RGS6: variants seen among roughly 807,000 people sequenced by gnomAD.
The protein encoded by RGS6 is regulator of G-protein signaling 6.
In RGS6, 30 loss-of-function variants were observed where a neutral mutation model predicts 78.5. The ratio of observed to expected loss-of-function variants is 0.38; its 90% CI spans 0.29 to 0.52. RGS6 has a LOEUF of 0.52. RGS6 is among the 20% of genes least tolerant of loss of function. RGS6 has a pLI of 0.85. For missense variants in RGS6, 495 were observed against 609.7 expected (o/e 0.81, Z 1.98); for synonymous variants, 206 against 206.0 (o/e 1.00, Z 0.00).
chr14:72,204,798 G>T (rs1567463192), intron 2 of RGS6, among the ~76,000 whole-genome samples: 1 of 152,166 alleles, frequency 6.6e-6, no homozygotes, highest in Non-Finnish European at 1.5e-5. Flanking sequence ...TTCAACATAT[G>T]AATTTCGGAG....
At chr14:72,273,741 C>T (rs977927661) in intron 2 of RGS6, among the ~76,000 whole-genome samples, 27 of 152,150 alleles carry the variant, frequency 1.8e-4, no homozygotes, top group Admixed American at 2.6e-4. Context: ...TTTGTAGTTG[C>T]TCAAGAAAGA....
In RGS6 at chr14:72,253,494, A is replaced by G. The variant is rs564293953; in HGVS notation, c.85-98601A>G. 9.7e-4 allele frequency among the ~76,000 whole-genome samples: 148 copies of G among 152,370 alleles called. 2 individuals are homozygous for G. Among genetic ancestry groups the G allele is most frequent in the Middle Eastern group, 6.8e-3 (2 of 294 alleles). On this transcript the variant is annotated intron_variant, in intron 2 of 17. Transcript: ENST00000553525. ...ATTTACAGTCTGTCATAGCTACTCA[A>G]TTCTATGGCAAAAGCAGCTATTGAC...
chr14:72,349,878 A>G (rs2078790567), intron 2 of RGS6, among the ~76,000 whole-genome samples: 1 of 152,180 alleles, frequency 6.6e-6, no homozygotes, highest in South Asian at 2.1e-4. Flanking sequence ...CCAATTCTCA[A>G]TGATTTTCTG....
At chr14:72,090,824 C>A (rs887381302) in intron 2 of RGS6, among the ~76,000 whole-genome samples, 1 of 152,100 alleles carries the variant, frequency 6.6e-6, no homozygotes, top group Non-Finnish European at 1.5e-5. Context: ...TCAGTGGTGT[C>A]CTTGAAGTCA....
chr14:72,624,333 C>CTTTTTTTTT, the RGS6 span, among the ~76,000 whole-genome samples: 22 of 97,800 alleles, frequency 2.2e-4, no homozygotes, highest in East Asian at 3.3e-4. Flanking sequence ...ACCTATGTCT[C>CTTTTTTTTT]TTTTTTTTTT....
chr14:72,102,981 G>A (rs1354727205), intron 2 of RGS6, among the ~76,000 whole-genome samples: 2 of 152,172 alleles, frequency 1.3e-5, no homozygotes, highest in Non-Finnish European at 2.9e-5. Context: ...TTGTCTTAAG[G>A]CCCCAAAGAG....
the RGS6 span, among the ~76,000 whole-genome samples, chr14:71,895,293 C>T: frequency 3.3e-5 from 5 of 152,054 alleles, no homozygotes; most frequent in Non-Finnish European, 7.3e-5. Context: ...AAGTGATTCT[C>T]CTGCCTCAGC....
Position 72,160,376 on chromosome 14 carries a change from T to C in RGS6, c.85-191719T>C, listed in dbSNP as rs866392174. Among the ~76,000 whole-genome samples, 5 of 152,214 alleles carry C rather than the reference T, an allele frequency of 3.3e-5. No individual in the cohort carries two copies. In the South Asian group the frequency reaches 1.0e-3, roughly 32 times the overall value. ...GTCATCAAATGTCATAGGAGAGGACTACTATTTGATTCACACGTGATCTTT... is the reference window on the plus strand; with the variant it reads ...GTCATCAAATGTCATAGGAGAGGACCACTATTTGATTCACACGTGATCTTT... On this transcript the variant is annotated intron_variant, in intron 2 of 17. Transcript: ENST00000553525.
chr14:72,209,573 C>G (rs553278461), intron 2 of RGS6, among the ~76,000 whole-genome samples: 1 of 152,240 alleles, frequency 6.6e-6, no homozygotes, highest in South Asian at 2.1e-4. Context: ...AGGACAATTT[C>G]AAGGTCACTG....
intron 1 of RGS6, among the ~76,000 whole-genome samples, chr14:71,938,659 A>T (rs900967222): frequency 6.6e-6 from 1 of 152,126 alleles, no homozygotes; most frequent in African/African-American, 2.4e-5. Context: ...TGCCTTCAGG[A>T]CTTGCCTGAG....
chr14:72,037,563 C>T (rs1267920084), intron 2 of RGS6, among the ~76,000 whole-genome samples: 1 of 152,190 alleles, frequency 6.6e-6, no homozygotes, highest in Non-Finnish European at 1.5e-5. Context: ...CAACTCCAGA[C>T]ACAGTATGAG....
At chr14:72,083,202 A>G (rs1385851189) in intron 2 of RGS6, among the ~76,000 whole-genome samples, 1 of 152,202 alleles carries the variant, frequency 6.6e-6, no homozygotes, top group Non-Finnish European at 1.5e-5. Flanking sequence ...AAAGAATAGA[A>G]TTCACGGGAA....
At chr14:72,583,261 T>A in the RGS6 span, among the ~76,000 whole-genome samples, 7 of 152,218 alleles carry the variant, frequency 4.6e-5, no homozygotes, top group Non-Finnish European at 7.3e-5. Context: ...TCAGAAAACC[T>A]GTCATGGGAC....
intron 2 of RGS6, among the ~76,000 whole-genome samples, chr14:72,280,317 G>T (rs1230687368): frequency 1.3e-5 from 2 of 152,140 alleles, no homozygotes; most frequent in African/African-American, 4.8e-5. Flanking sequence ...AACAAGGCTT[G>T]TTTTAGAATT....
chr14:72,277,747 G>C (rs1446008268), intron 2 of RGS6, among the ~76,000 whole-genome samples: 5 of 151,996 alleles, frequency 3.3e-5, no homozygotes, highest in African/African-American at 1.2e-4. Flanking sequence ...GGTCGACATG[G>C]TGAAACCCCG....
chr14:71,919,570 G>A, the RGS6 span, among the ~76,000 whole-genome samples: 2 of 152,120 alleles, frequency 1.3e-5, no homozygotes, highest in African/African-American at 4.8e-5. Context: ...TAGTCTGAAC[G>A]TCCATAGACA....
At chr14:72,383,367 C>T (rs1377250402) in intron 3 of RGS6, among the ~76,000 whole-genome samples, 3 of 151,528 alleles carry the variant, frequency 2.0e-5, no homozygotes, top group East Asian at 1.9e-4. Flanking sequence ...TTGGATTGTG[C>T]CGACTCATAA....
At chr14:71,963,816 C>T (rs1372833278) in intron 1 of RGS6, among the ~76,000 whole-genome samples, 1 of 152,168 alleles carries the variant, frequency 6.6e-6, no homozygotes. Flanking sequence ...AATAGTGCTG[C>T]TATGAACATT....
intron 3 of RGS6, among the ~76,000 whole-genome samples, chr14:72,410,488 G>A (rs539489246): frequency 2.0e-5 from 3 of 152,104 alleles, no homozygotes; most frequent in Admixed American, 1.3e-4. Context: ...AGATGAATAG[G>A]TTGCAAACAT....
Sources: gnomAD v4.1 joint callset for allele counts (sites outside exome capture counted in the v4.1 genomes callset) on GRCh38, gnomAD v4.1.1 for gene constraint, MANE v1.5 for transcripts, NCBI Gene and HGNC (gene_info 2026-07-23, HGNC 2026-07-21) for gene names.